CECR2: variants seen among roughly 807,000 people sequenced by gnomAD.
CECR2 encodes the protein chromatin remodeling regulator CECR2.
In CECR2, 30 loss-of-function variants were observed where a neutral mutation model predicts 154.5. The observed-to-expected ratio is 0.19, with a 90% CI of 0.15 to 0.26. The LOEUF is 0.26. CECR2 is among the 10% of genes least tolerant of loss of function. CECR2 has a pLI of 1.00. For missense variants in CECR2, 1,743 were observed against 1,829.3 expected (o/e 0.95, Z 0.86); for synonymous variants, 725 against 683.7 (o/e 1.06, Z -0.94).
At chr22:17,482,932 T>C (rs58337585) in intron 2 of CECR2, among the ~76,000 whole-genome samples, 1 of 152,010 alleles carries the variant, frequency 6.6e-6, no homozygotes, top group Admixed American at 6.6e-5. Flanking sequence ...CCTCCCACCT[T>C]GGCCTCCCAA....
intron 1 of CECR2, among the ~76,000 whole-genome samples, chr22:17,466,843 C>T (rs926409499): frequency 2.0e-5 from 3 of 152,214 alleles, no homozygotes; most frequent in East Asian, 3.9e-4. Context: ...CCTCCCGCCC[C>T]GGCCTTCCAA....
intron 16 of CECR2, among the ~76,000 whole-genome samples, chr22:17,544,809 CAAAAAAAAAAAAAAA>C (rs67994839): frequency 2.2e-5 from 1 of 45,620 alleles, no homozygotes; most frequent in African/African-American, 8.7e-5. Flanking sequence ...GACTCTGTCT[CAAAAAAAAAAAAAAA>C]AAAAAAAAAA....
intron 18 of CECR2, 100 bp downstream of exon 18, chr22:17,552,242 CTGTGGAT>C: frequency 2.8e-6 from 3 of 1,077,918 alleles, no homozygotes; most frequent in Non-Finnish European, 4.1e-6. Context: ...TTAAGGTATC[CTGTGGAT>C]ACAGGAACTT....
chr22:17,368,693 T>A (rs115015683), upstream of CECR2, among the ~76,000 whole-genome samples: 1 of 152,090 alleles, frequency 6.6e-6, no homozygotes, highest in Non-Finnish European at 1.5e-5. Flanking sequence ...CACATTGTGC[T>A]CACTCTTCCA....
chr22:17,512,325 C>T (rs1383291114), intron 8 of CECR2, among the ~76,000 whole-genome samples: 1 of 151,846 alleles, frequency 6.6e-6, no homozygotes, highest in African/African-American at 2.4e-5. Context: ...TCCCACACTA[C>T]AGGAGTAGTA....
chr22:17,452,315 C>A (rs2054784332), intron 1 of CECR2, among the ~76,000 whole-genome samples: 1 of 152,190 alleles, frequency 6.6e-6, no homozygotes, highest in African/African-American at 2.4e-5. Flanking sequence ...CTCAAGTGAT[C>A]CACCCGCCTT....
chr22:17,448,287 G>A (rs1486843232), intron 1 of CECR2, among the ~76,000 whole-genome samples: 1 of 152,146 alleles, frequency 6.6e-6, no homozygotes, highest in Non-Finnish European at 1.5e-5. Flanking sequence ...GGGCTAGTAG[G>A]AACAATCAGG....
At chr22:17,503,245 T>C in intron 6 of CECR2, 114 bp downstream of exon 6, 1 of 894,938 alleles carries the variant, frequency 1.1e-6, no homozygotes. Context: ...AATAGCCTTT[T>C]ACCTACCCCC....
chr22:17,371,473 T>G (rs1010368434), intron 1 of CECR2, among the ~76,000 whole-genome samples: 1 of 152,204 alleles, frequency 6.6e-6, no homozygotes, highest in Non-Finnish European at 1.5e-5. Context: ...TTTAGACAAC[T>G]GTTAATATTG....
intron 8 of CECR2, chr22:17,518,554 C>T: frequency 3.5e-6 from 1 of 282,588 alleles, no homozygotes; most frequent in Non-Finnish European, 7.1e-6. Flanking sequence ...CTAGAATCTC[C>T]TTCTCTGCAA....
Position 17,549,503 on chromosome 22 carries a change from G to T in CECR2, c.4216G>T (p.Glu1406Ter), listed in dbSNP as rs1303885505. The change falls in exon 17 of 19, where the codon GAA becomes TAA. Residue 1406 changes from glutamate (E) to a stop codon, truncating the protein, a stop_gained. Transcript: ENST00000262608. LOFTEE classifies it high-confidence loss of function. ...GGGTCACTTTCAAGCTGTGATGATG[G>T]AACAAATTGGCACTAGAAGTGGAAT... is the stretch of plus-strand genomic sequence containing the variant. The part of the protein sequence containing the change: ...GLGHFQAVMM[E>*]QIGTRSGIRG... The T allele has an allele frequency of 6.2e-7, 1 of 1,607,806 alleles. No homozygotes were observed.
intron 1 of CECR2, among the ~76,000 whole-genome samples, chr22:17,444,413 G>A (rs1275738921): frequency 6.6e-6 from 1 of 152,110 alleles, no homozygotes; most frequent in Non-Finnish European, 1.5e-5. Flanking sequence ...GATCAGTTAA[G>A]GTCAGGAGTC....
At chr22:17,441,851 G>C (rs1360788824) in intron 1 of CECR2, among the ~76,000 whole-genome samples, 2 of 152,192 alleles carry the variant, frequency 1.3e-5, no homozygotes, top group East Asian at 3.8e-4. Context: ...AACTCACCTT[G>C]TAAGAATTTC....
chr22:17,447,319 A>AT (rs1410193664), intron 1 of CECR2, among the ~76,000 whole-genome samples: 1 of 151,790 alleles, frequency 6.6e-6, no homozygotes, highest in African/African-American at 2.4e-5. Context: ...CGCCCAGCTA[A>AT]TTTTTTGTAT....
At chr22:17,475,725 T>C (rs1401417067) in intron 1 of CECR2, among the ~76,000 whole-genome samples, 1 of 152,208 alleles carries the variant, frequency 6.6e-6, no homozygotes, top group East Asian at 1.9e-4. Flanking sequence ...TTGCTTCTGT[T>C]GTAAGTCACT....
chr22:17,481,901 G>A (rs1205430980), intron 2 of CECR2, among the ~76,000 whole-genome samples: 1 of 151,846 alleles, frequency 6.6e-6, no homozygotes, highest in East Asian at 1.9e-4. Context: ...CGGATCACCA[G>A]GTCAGGAGAT....
At chr22:17,459,555 C>A (rs2054905581) in intron 1 of CECR2, among the ~76,000 whole-genome samples, 2 of 151,942 alleles carry the variant, frequency 1.3e-5, no homozygotes, top group Non-Finnish European at 2.9e-5. Context: ...TCAAGGGACT[C>A]CCCCGGCGTC....
At chr22:17,462,763 A>G (rs2054962850) in intron 1 of CECR2, among the ~76,000 whole-genome samples, 1 of 152,062 alleles carries the variant, frequency 6.6e-6, no homozygotes, top group African/African-American at 2.4e-5. Flanking sequence ...AAAATCAAAA[A>G]TCAGCTGGGT....
chr22:17,477,339 C>T (rs550249410), intron 1 of CECR2, among the ~76,000 whole-genome samples: 2 of 152,252 alleles, frequency 1.3e-5, no homozygotes, highest in Admixed American at 6.5e-5. Flanking sequence ...TGTGTTTCTT[C>T]TCATGTGCCG....
Sources: gnomAD v4.1 joint callset for allele counts (sites outside exome capture counted in the v4.1 genomes callset) on GRCh38, gnomAD v4.1.1 for gene constraint, MANE v1.5 for transcripts, NCBI Gene and HGNC (gene_info 2026-07-23, HGNC 2026-07-21) for gene names.